The following UST variants were observed in gnomAD, a reference collection of about 807,000 sequenced individuals.
The protein encoded by UST is chondroitin sulfate 2-O-sulfotransferase.
In UST, 21 loss-of-function variants were observed where a neutral mutation model predicts 45.6. That is an observed-to-expected ratio of 0.46 (90% CI 0.33 to 0.66). UST has a LOEUF of 0.66. Among genes scored for constraint, UST ranks in the 30% least tolerant of loss-of-function variants. UST has a pLI of 0.02. For synonymous variants in UST, 215 were observed against 200.6 expected (o/e 1.07, Z -0.61); for missense variants, 463 against 512.4 (o/e 0.90, Z 0.93).
At chr6:149,054,171 A>AG (rs1562340983) in intron 7 of UST, among the ~76,000 whole-genome samples, 1 of 152,160 alleles carries the variant, frequency 6.6e-6, no homozygotes, top group African/African-American at 2.4e-5. Context: ...TCAGAAAGGG[A>AG]GGGGGGTGCG....
At chr6:148,948,351 C>T (rs1053475595) in intron 3 of UST, among the ~76,000 whole-genome samples, 2 of 152,192 alleles carry the variant, frequency 1.3e-5, no homozygotes, top group South Asian at 2.1e-4. Context: ...TTATGAACCA[C>T]GTAGGGTTAG....
chr6:148,905,414 C>T (rs1222554355), intron 2 of UST, among the ~76,000 whole-genome samples: 1 of 152,222 alleles, frequency 6.6e-6, no homozygotes, highest in East Asian at 1.9e-4. Context: ...CCTTCAGCTC[C>T]CCTTCCTCCA....
At chr6:148,766,130 A>G (rs1191365774) in intron 1 of UST, among the ~76,000 whole-genome samples, 2 of 152,084 alleles carry the variant, frequency 1.3e-5, no homozygotes, top group African/African-American at 4.8e-5. Flanking sequence ...TTAGGCTTAT[A>G]TCTTCATACT....
At chr6:148,961,834 C>A (rs766241294) in intron 4 of UST, among the ~76,000 whole-genome samples, 11 of 152,120 alleles carry the variant, frequency 7.2e-5, no homozygotes, top group Non-Finnish European at 1.6e-4. Context: ...AAATTCTGAC[C>A]AGAGTTTTAA....
At chr6:148,758,134 C>T (rs143692240) in intron 1 of UST, among the ~76,000 whole-genome samples, 1 of 152,294 alleles carries the variant, frequency 6.6e-6, no homozygotes, top group African/African-American at 2.4e-5. Flanking sequence ...TATCAGAACA[C>T]AGCTGGGGGA....
At chr6:148,785,109 G>T (rs1776712139) in intron 1 of UST, among the ~76,000 whole-genome samples, 1 of 151,898 alleles carries the variant, frequency 6.6e-6, no homozygotes, top group African/African-American at 2.4e-5. Flanking sequence ...GTTGAGGCAG[G>T]AGAATTTCTT....
At chr6:149,030,169 T>C (rs1031583842) in intron 7 of UST, among the ~76,000 whole-genome samples, 1 of 152,136 alleles carries the variant, frequency 6.6e-6, no homozygotes, top group Non-Finnish European at 1.5e-5. Context: ...AACAACTTGC[T>C]CACAGTCTCG....
chr6:148,893,226 T>C (rs1290178157), intron 2 of UST, among the ~76,000 whole-genome samples: 2 of 152,144 alleles, frequency 1.3e-5, no homozygotes, highest in Non-Finnish European at 2.9e-5. Context: ...GTAAAATGGG[T>C]TCATTAGAAG....
At chr6:149,048,449 T>C (rs1297142863) in intron 7 of UST, among the ~76,000 whole-genome samples, 1 of 150,974 alleles carries the variant, frequency 6.6e-6, no homozygotes, top group Non-Finnish European at 1.5e-5. Flanking sequence ...GGCAGGAGAA[T>C]CGCTTGAACC....
chr6:148,941,574 T>A, intron 3 of UST, 140 bp downstream of exon 3: 1 of 1,027,702 alleles, frequency 9.7e-7, no homozygotes, highest in Non-Finnish European at 1.4e-6. Context: ...TTTGCCAGAG[T>A]GTGGAAGGAA....
At chr6:148,990,059 T>C in intron 5 of UST, among the ~76,000 whole-genome samples, 1 of 152,256 alleles carries the variant, frequency 6.6e-6, no homozygotes, top group Non-Finnish European at 1.5e-5. Flanking sequence ...TCCTTTGTTC[T>C]TTTAAATATT....
At chr6:148,810,532 A>G (rs1777236789) in intron 1 of UST, among the ~76,000 whole-genome samples, 1 of 152,168 alleles carries the variant, frequency 6.6e-6, no homozygotes, top group Admixed American at 6.5e-5. Flanking sequence ...CATGGCTATT[A>G]TTAGGAAAAT....
chr6:148,912,824 G>T (rs186822149), intron 2 of UST, among the ~76,000 whole-genome samples: 1 of 152,214 alleles, frequency 6.6e-6, no homozygotes, highest in Admixed American at 6.5e-5. Flanking sequence ...CAACAAGGTG[G>T]CTGTTTCACA....
At position 149,073,876 on chromosome 6, in the gene UST, T is replaced by C. The variant is rs1420512351; in HGVS notation, c.981T>C (p.Thr327=). The C allele has an allele frequency of 2.5e-6, 4 of 1,614,070 alleles. No individual in the cohort carries two copies. The highest frequency in any genetic ancestry group is 1.7e-6 in the Non-Finnish European group (2 of 1,180,028). Residue 327 remains threonine, a synonymous_variant, in exon 8 of 8, where the codon ACT becomes ACC. Transcript: ENST00000367463. The part of the protein sequence containing the change: ...LGNMTVTVKK[T]VPSPEAVQIL... ...ACATGACTGTGACGGTGAAGAAGACTGTCCCCTCTCCTGAGGCTGTGCAGA... is the reference window on the plus strand; with the variant it reads ...ACATGACTGTGACGGTGAAGAAGACCGTCCCCTCTCCTGAGGCTGTGCAGA...
intron 1 of UST, among the ~76,000 whole-genome samples, chr6:148,858,550 A>G (rs1778248133): frequency 6.6e-6 from 1 of 150,998 alleles, no homozygotes; most frequent in Non-Finnish European, 1.5e-5. Flanking sequence ...CACAATGTGC[A>G]GGTTTGTTAC....
intron 1 of UST, among the ~76,000 whole-genome samples, chr6:148,882,451 A>C (rs1778840167): frequency 7.5e-6 from 1 of 133,462 alleles, no homozygotes; most frequent in East Asian, 2.3e-4. Flanking sequence ...GCGCCGTTGC[A>C]CTCCAGCCCG....
intron 5 of UST, among the ~76,000 whole-genome samples, chr6:149,007,472 T>A (rs968010202): frequency 1.3e-5 from 2 of 150,990 alleles, no homozygotes; most frequent in African/African-American, 4.8e-5. Flanking sequence ...TATTTTTTTT[T>A]TTTTTTTTTA....
At chr6:148,958,531 T>A (rs1451800407) in intron 4 of UST, among the ~76,000 whole-genome samples, 1 of 152,214 alleles carries the variant, frequency 6.6e-6, no homozygotes, top group African/African-American at 2.4e-5. Context: ...TGTTAGGATG[T>A]TTAAGTAGGA....
At chr6:148,786,734 A>G (rs1038460060) in intron 1 of UST, among the ~76,000 whole-genome samples, 6 of 152,094 alleles carry the variant, frequency 3.9e-5, no homozygotes, top group African/African-American at 1.4e-4. Context: ...AACTACTTAT[A>G]CTCCTTTGGG....
Sources: gnomAD v4.1 joint callset for allele counts (sites outside exome capture counted in the v4.1 genomes callset) on GRCh38, gnomAD v4.1.1 for gene constraint, MANE v1.5 for transcripts, NCBI Gene and HGNC (gene_info 2026-07-23, HGNC 2026-07-21) for gene names.